Variants in NUAK1 observed in about 807,000 individuals in gnomAD.
NUAK1 encodes the protein NUAK family kinase 1, also known as NUAK family SNF1-like kinase 1.
Under a neutral mutation model 56.9 loss-of-function variants are expected in NUAK1, and 26 were observed. The observed-to-expected ratio is 0.46, with a 90% CI of 0.33 to 0.63. NUAK1 has a LOEUF of 0.63. Ranked by LOEUF, NUAK1 falls within the 30% of genes least tolerant of loss-of-function variation. The pLI is 0.02. For missense variants in NUAK1, 727 were observed against 876.1 expected, an observed-to-expected ratio of 0.83 and a Z score of 2.15; for synonymous variants, 337 against 336.0, an observed-to-expected ratio of 1.00 and a Z score of -0.03.
chr12:106,066,743 C>A lies in NUAK1; in HGVS notation c.*59G>T. ...GCAAAGAGGTAACCAGCCTGTGAGC[C>A]CAAGTCTTGCTCCCCTTCCTCCCTC... On this transcript the variant is annotated 3_prime_UTR_variant, in exon 7 of 7. Transcript: ENST00000261402. 7.3e-7 allele frequency: 1 copy of A among 1,362,092 alleles called. No individual in the cohort carries two copies. Among genetic ancestry groups the A allele is most frequent in the South Asian group, 1.3e-5 (1 of 76,462 alleles). 84.4% of individuals were successfully genotyped at this position (1,362,092 alleles called of 1,614,324 possible). A position where few individuals can be genotyped will look rare whatever the true frequency, so the allele number is the denominator to read the frequency against.
chr12:106,088,848 A>G (rs2032602919), intron 2 of NUAK1, among the ~76,000 whole-genome samples: 1 of 152,200 alleles, frequency 6.6e-6, no homozygotes, highest in African/African-American at 2.4e-5. Context: ...CTGTCCTCCC[A>G]TACCTTGTTG....
At chr12:106,106,590 A>C (rs1592857238) in intron 1 of NUAK1, 65 bp from the exon 2 acceptor site, 3 of 1,522,526 alleles carry the variant, frequency 2.0e-6, no homozygotes, top group East Asian at 4.6e-5. Context: ...CCATTGGGGG[A>C]GTTTGGAAAA....
chr12:106,093,594 C>T (rs1228591698), intron 2 of NUAK1, among the ~76,000 whole-genome samples: 2 of 152,170 alleles, frequency 1.3e-5, no homozygotes, highest in African/African-American at 2.4e-5. Context: ...CTGAGGGAAA[C>T]GCTGATGAGT....
At chr12:106,090,598 A>G (rs1367610667) in intron 2 of NUAK1, among the ~76,000 whole-genome samples, 1 of 152,188 alleles carries the variant, frequency 6.6e-6, no homozygotes. Flanking sequence ...TGGGCCCAGC[A>G]GTCTGACTGC....
chr12:106,086,671 A>G, intron 3 of NUAK1, 63 bp downstream of exon 3: 1 of 1,529,394 alleles, frequency 6.5e-7, no homozygotes, highest in Admixed American at 1.9e-5. Context: ...ATAATAGGAA[A>G]AAAATCATGC....
intron 2 of NUAK1, among the ~76,000 whole-genome samples, chr12:106,099,381 C>G (rs1441395541): frequency 6.6e-6 from 1 of 152,178 alleles, no homozygotes; most frequent in Non-Finnish European, 1.5e-5. Context: ...AACCTTCTTC[C>G]TTGGATGCTG....
chr12:106,086,460 C>G (rs1251321631), intron 3 of NUAK1, among the ~76,000 whole-genome samples: 1 of 151,942 alleles, frequency 6.6e-6, no homozygotes, highest in Admixed American at 6.6e-5. Flanking sequence ...TGAAACTTTC[C>G]TGTAAATCTA....
intron 1 of NUAK1, among the ~76,000 whole-genome samples, chr12:106,119,737 A>G: frequency 6.6e-6 from 1 of 152,226 alleles, no homozygotes. Flanking sequence ...AAGAGGAATG[A>G]AAGTTAATAA....
At chr12:106,080,079 G>A (rs575555319) in intron 4 of NUAK1, among the ~76,000 whole-genome samples, 3 of 152,336 alleles carry the variant, frequency 2.0e-5, no homozygotes, top group South Asian at 2.1e-4. Flanking sequence ...ATTCATGCAT[G>A]AACACAGAGC....
chr12:106,083,789 C>T, intron 4 of NUAK1, 75 bp downstream of exon 4: 1 of 1,326,432 alleles, frequency 7.5e-7, no homozygotes, highest in Non-Finnish European at 1.1e-6. Context: ...CAGGCTGCGG[C>T]TTGGAGCAGG....
chr12:106,097,847 T>A (rs1172480376), intron 2 of NUAK1, among the ~76,000 whole-genome samples: 2 of 152,172 alleles, frequency 1.3e-5, no homozygotes, highest in Non-Finnish European at 2.9e-5. Flanking sequence ...GGGGCTACCC[T>A]TTGAGAACTG....
chr12:106,069,026 A>T (rs1370881882), intron 6 of NUAK1, among the ~76,000 whole-genome samples: 2 of 152,250 alleles, frequency 1.3e-5, no homozygotes, highest in Non-Finnish European at 2.9e-5. Flanking sequence ...GGTCACTCTG[A>T]ATTTTTCCAA....
chr12:106,089,464 A>G (rs2032612242), intron 2 of NUAK1, among the ~76,000 whole-genome samples: 1 of 152,210 alleles, frequency 6.6e-6, no homozygotes, highest in Admixed American at 6.5e-5. Context: ...AGCAGCTTCC[A>G]TCAATCAGTC....
chr12:106,087,950 G>C (rs1024572835), intron 2 of NUAK1, among the ~76,000 whole-genome samples: 1 of 152,218 alleles, frequency 6.6e-6, no homozygotes, highest in East Asian at 1.9e-4. Context: ...CCGGTTCCCG[G>C]CCACCAGGTC....
intron 6 of NUAK1, among the ~76,000 whole-genome samples, 175 bp downstream of exon 6, chr12:106,070,599 T>C (rs753935378): frequency 3.3e-5 from 5 of 152,134 alleles, no homozygotes; most frequent in Admixed American, 6.5e-5. Flanking sequence ...TTTGGGAAGG[T>C]TTGGGGAAAG....
In NUAK1 at chr12:106,067,731, C is replaced by T. The variant is rs761030245; in HGVS notation, c.1057G>A (p.Ala353Thr). The T allele has an allele frequency of 2.5e-6, 4 of 1,614,196 alleles. No homozygotes were observed. Among genetic ancestry groups the T allele is most frequent in the Non-Finnish European group, 3.4e-6 (4 of 1,180,028 alleles). The change falls in exon 7 of 7, where the codon GCC becomes ACC. Residue 353 changes from alanine to threonine, a missense_variant. Transcript: ENST00000261402. The surrounding 1 kb of genome is among the most constrained non-coding windows in gnomAD (Gnocchi z 6.0). ...ADTEAKMKGLAKPTTSEVMLE... is the reference protein window; with the variant it reads ...ADTEAKMKGLTKPTTSEVMLE... ...ATGACCTCAGAGGTCGTGGGTTTGG[C>T]CAGGCCCTTCATTTTGGCTTCGGTG...
Position 106,066,555 on chromosome 12 carries a change from T to C in NUAK1, c.*247A>G. ...CACCTCCCCTGGACAGCTGGTCCTC[T>C]AGGAGGTGCCATAAAGCAAATGCCA... is the stretch of plus-strand genomic sequence containing the variant. On this transcript the variant is annotated 3_prime_UTR_variant, in exon 7 of 7. Transcript: ENST00000261402. 3.7e-6 allele frequency: 2 copies of C among 543,698 alleles called. No homozygotes were observed. The highest frequency in any genetic ancestry group is 6.3e-5 in the East Asian group (2 of 31,756). The allele number at this position is 543,698 out of a possible 1,614,324, so 33.7% of individuals were successfully genotyped here.
intron 2 of NUAK1, among the ~76,000 whole-genome samples, chr12:106,101,679 C>T (rs1244902373): frequency 6.6e-6 from 1 of 152,200 alleles, no homozygotes; most frequent in Admixed American, 6.5e-5. Flanking sequence ...TTTCTTACGA[C>T]AGCCCTAACA....
rs759373396 is a variant in NUAK1, at chr12:106,083,890, G to A, written c.553C>T (p.Leu185=). The change falls in exon 4 of 7, where the codon CTG becomes TTG. Residue 185 remains leucine (L), a synonymous_variant. Transcript: ENST00000261402. ...VHRDLKLENI[L]LDDNCNIKIA... Reference sequence around the variant, plus strand: ...TTAATATTGCAGTTGTCATCGAGCAGTATATTTTCCAGCTTCAAGTCCCGG... The same window carrying A: ...TTAATATTGCAGTTGTCATCGAGCAATATATTTTCCAGCTTCAAGTCCCGG... The A allele has an allele frequency of 1.2e-6, 2 of 1,614,144 alleles. No homozygotes were observed. The highest frequency in any genetic ancestry group is 8.5e-7 in the Non-Finnish European group (1 of 1,180,004).
Sources: gnomAD v4.1 joint callset for allele counts (sites outside exome capture counted in the v4.1 genomes callset) on GRCh38, gnomAD v4.1.1 for gene constraint, Gnocchi (gnomAD v3.1) non-coding constraint, MANE v1.5 for transcripts, NCBI Gene and HGNC (gene_info 2026-07-23, HGNC 2026-07-21) for gene names.